The following IGSF3 variants were observed in gnomAD, a reference collection of about 807,000 sequenced individuals.
IGSF3 encodes immunoglobulin superfamily member 3, also known as glu-Trp-Ile EWI motif-containing protein 3.
Under a neutral mutation model 114.4 loss-of-function variants are expected in IGSF3, and 23 were observed. The observed-to-expected ratio is 0.20, with a 90% CI of 0.14 to 0.28. IGSF3 has a LOEUF of 0.28. IGSF3 is among the 10% of genes least tolerant of loss of function. The pLI is 1.00. For missense variants in IGSF3, 1,172 were observed against 1,591.5 expected, an observed-to-expected ratio of 0.74 and a Z score of 4.48; for synonymous variants, 571 against 645.2, an observed-to-expected ratio of 0.88 and a Z score of 1.74.
chr1:116,600,247 A>G lies in IGSF3; in HGVS notation c.1723T>C (p.Trp575Arg), dbSNP rs78806598. 2.8e-5 allele frequency: 45 copies of G among 1,613,960 alleles called. No individual in the cohort carries two copies. Among genetic ancestry groups the G allele is most frequent in the South Asian group, 2.6e-4 (24 of 91,086 alleles). ...CGCCATGTCACCGACACGGGGACCC[A>G]GGCAGGGTAGTGGGGTTTGATGATA... ...QCIIKPHYPA[W>R]VPVSVTWRFQ... Residue 575 changes from tryptophan (W) to arginine (R), a missense_variant, in exon 7 of 11, where the codon TGG becomes CGG. Trp to Arg is a moderately radical substitution (Grantham distance 101). Around this residue, in one of 3 missense-constraint regions of IGSF3, gnomAD observed 736 missense variants for 1,042.0 expected, o/e 0.71. Coordinates refer to ENST00000369486, the MANE Select transcript of IGSF3 (RefSeq NM_001007237.3). This position sits in a 1 kb window ranked among gnomAD's most constrained non-coding sequence, Gnocchi z 5.5.
Position 116,628,283 on chromosome 1 carries a change from C to G in IGSF3, c.44-11826G>C, listed in dbSNP as rs183665966. On this transcript the variant is annotated intron_variant, in intron 2 of 10. Coordinates refer to ENST00000369486, the MANE Select transcript of IGSF3 (RefSeq NM_001007237.3). The surrounding 1 kb of genome is among the most constrained non-coding windows in gnomAD (Gnocchi z 4.2). ...ACTCTTCAGGGACAAAGTTCCTTTACTCAGCCATAGTTTCTGTGCTCCAAA... is the reference window on the plus strand; with the variant it reads ...ACTCTTCAGGGACAAAGTTCCTTTAGTCAGCCATAGTTTCTGTGCTCCAAA... Among the ~76,000 whole-genome samples the G allele has an allele frequency of 6.6e-6, 1 of 152,340 alleles. No homozygotes were observed. Among genetic ancestry groups the G allele is most frequent in the Non-Finnish European group, 1.5e-5 (1 of 68,030 alleles).
At position 116,577,102 on chromosome 1, in the gene IGSF3, C is replaced by G; in HGVS notation, c.*210G>C. The G allele has an allele frequency of 1.7e-6, 1 of 578,328 alleles. No individual in the cohort carries two copies. Among genetic ancestry groups the G allele is most frequent in the East Asian group, 2.9e-5 (1 of 34,768 alleles). 35.8% of individuals were successfully genotyped at this position (578,328 alleles called of 1,614,324 possible). A position where few individuals can be genotyped will look rare whatever the true frequency, so the allele number is the denominator to read the frequency against. On this transcript the variant is annotated 3_prime_UTR_variant, in exon 11 of 11. Coordinates refer to ENST00000369486, the MANE Select transcript of IGSF3 (RefSeq NM_001007237.3). This position sits in a 1 kb window ranked among gnomAD's most constrained non-coding sequence, Gnocchi z 5.7. Reference sequence around the variant, plus strand: ...CAAGAAATCTATAATGGCAGGATCACAACATTTGCGCGCAAATAGCTAACC... The same window carrying G: ...CAAGAAATCTATAATGGCAGGATCAGAACATTTGCGCGCAAATAGCTAACC...
chr1:116,643,874 G>A (rs1648220766), intron 2 of IGSF3, among the ~76,000 whole-genome samples: 1 of 152,192 alleles, frequency 6.6e-6, no homozygotes, highest in Admixed American at 6.5e-5. Flanking sequence ...GAAAGGGCAG[G>A]AAAGCAGAGC....
In IGSF3 at chr1:116,584,585, A is replaced by C; in HGVS notation, c.2848+60T>G. Reference sequence around the variant, plus strand: ...AAACTAATTTTATCCAGTGCATAAAACAGTATACTTAAATGGGAAACACCA... The same window carrying C: ...AAACTAATTTTATCCAGTGCATAAACCAGTATACTTAAATGGGAAACACCA... On this transcript the variant is annotated intron_variant, in intron 9 of 10. Transcript: ENST00000369486. This position sits in a 1 kb window ranked among gnomAD's most constrained non-coding sequence, Gnocchi z 5.8. 2 of 1,529,974 alleles carry C rather than the reference A, an allele frequency of 1.3e-6. No homozygotes were observed. Among genetic ancestry groups the C allele is most frequent in the South Asian group, 2.2e-5 (2 of 88,994 alleles). The allele number at this position is 1,529,974 out of a possible 1,614,324, so 94.8% of individuals were successfully genotyped here.
rs1380040162 is a variant in IGSF3, at chr1:116,607,961, G to A, written c.1203C>T (p.Pro401=). 2.5e-6 allele frequency: 4 copies of A among 1,613,896 alleles called. No homozygotes were observed. The highest frequency in any genetic ancestry group is 2.2e-5 in the South Asian group (2 of 91,066). The change falls in exon 5 of 11, where the codon CCC becomes CCT. Residue 401 remains proline (P), a synonymous_variant. Coordinates refer to ENST00000369486, the MANE Select transcript of IGSF3 (RefSeq NM_001007237.3). This position sits in a 1 kb window ranked among gnomAD's most constrained non-coding sequence, Gnocchi z 6.1. ...ACTTACTGAGGGGGAGGACTATGAT[G>A]GGGATGTTCTTGGGACGCTTGCTCT... ...DKESKRPKNI[P]IIVLPLKSSI... is the part of the protein sequence containing the mutation.
chr1:116,608,064 C>G lies in IGSF3; in HGVS notation c.1100G>C (p.Arg367Pro). ...GTTGTATTTCCCGCTATCTTCCTGGCGGAGGTGGTAGATCTTCAGCACAAA... is the reference window on the plus strand; with the variant it reads ...GTTGTATTTCCCGCTATCTTCCTGGGGGAGGTGGTAGATCTTCAGCACAAA... ...SVFVLKIYHL[R>P]QEDSGKYNCR... The change falls in exon 5 of 11, where the codon CGC (arginine) becomes CCC (proline). Residue 367 changes from arginine (R) to proline (P), a missense_variant. By Grantham distance (103) the Arg-to-Pro change is moderately radical. Coordinates refer to ENST00000369486, the MANE Select transcript of IGSF3 (RefSeq NM_001007237.3). The G allele has an allele frequency of 6.2e-7, 1 of 1,613,908 alleles. No homozygotes were observed.
chr1:116,620,085 T>C (rs1661366418), intron 2 of IGSF3, among the ~76,000 whole-genome samples: 1 of 152,188 alleles, frequency 6.6e-6, no homozygotes, highest in Non-Finnish European at 1.5e-5. Context: ...TTTATATATA[T>C]ATACATATTT....
chr1:116,637,312 A>G (rs1647878948), intron 2 of IGSF3, among the ~76,000 whole-genome samples: 1 of 152,158 alleles, frequency 6.6e-6, no homozygotes, highest in African/African-American at 2.4e-5. Context: ...GACAACCCCA[A>G]TCTCTTATTT....
At position 116,647,784 on chromosome 1, in the gene IGSF3, C is replaced by T. The variant is rs533319500; in HGVS notation, c.43+18500G>A. 2.6e-5 allele frequency among the ~76,000 whole-genome samples: 4 copies of T among 152,266 alleles called. 1 individual carries two copies. The South Asian group carries it at 8.3e-4, about 32-fold the overall frequency. On this transcript the variant is annotated intron_variant, in intron 2 of 10. Transcript: ENST00000369486. The surrounding 1 kb of genome is among the most constrained non-coding windows in gnomAD (Gnocchi z 4.6). ...TGGGATTAAGCTTAGACCTTGTAGG[C>T]CTATCAGCCAGAAGCAGTGTGTAAA...
Position 116,666,280 on chromosome 1 carries a change from T to C in IGSF3, c.43+4A>G. 6.2e-7 allele frequency: 1 copy of C among 1,613,858 alleles called. No individual in the cohort carries two copies. The highest frequency in any genetic ancestry group is 8.5e-7 in the Non-Finnish European group (1 of 1,179,746). ...CGATTGCACTGATAAGCAGAGCCAC[T>C]TACCCAGCACAGCCAGACAGCTCAG... On this transcript the variant is annotated splice_donor_region_variant and intron_variant, in intron 2 of 10. Transcript: ENST00000369486.
rs769362307 is a variant in IGSF3 at position 116,603,855 on chromosome 1, G to A, written c.1393C>T (p.Arg465Trp). ...GAGCCTGGCTGCACGGTGCCATCCC[G>A]GTCTAGCCACATGATATTGCTGCGG... ...NRRSNIMWLD[R>W]DGTVQPGSSY... Residue 465 changes from arginine (R) to tryptophan (W), a missense_variant, in exon 6 of 11, where the codon CGG (arginine) becomes TGG (tryptophan). Physicochemically the swap from Arg to Trp is moderately radical, Grantham distance 101. Coordinates refer to ENST00000369486, the MANE Select transcript of IGSF3 (RefSeq NM_001007237.3). The surrounding 1 kb of genome is among the most constrained non-coding windows in gnomAD (Gnocchi z 7.1). 7 of 1,613,880 alleles carry A rather than the reference G, an allele frequency of 4.3e-6. No homozygotes were observed. The highest frequency in any genetic ancestry group is 1.3e-5 in the African/African-American group (1 of 74,914).
At position 116,579,772 on chromosome 1, in the gene IGSF3, C is replaced by A; in HGVS notation, c.2954G>T (p.Arg985Leu). ...CAGGGAATACCAGGCCACAGCGAAG[C>A]GGGAGTCCTGGCTGGAGCGGGACAC... is the stretch of plus-strand genomic sequence containing the variant. The part of the protein sequence containing the change: ...SIVSRSSQDS[R>L]FAVAWYSLRT... The change falls in exon 10 of 11, where the codon CGC becomes CTC. Residue 985 changes from arginine (R) to leucine (L), a missense_variant. Arg to Leu is a moderately radical substitution (Grantham distance 102, BLOSUM62 -2). Transcript: ENST00000369486. This position sits in a 1 kb window ranked among gnomAD's most constrained non-coding sequence, Gnocchi z 6.4. 1 of 1,614,134 alleles carries A rather than the reference C, an allele frequency of 6.2e-7. No individual in the cohort carries two copies.
chr1:116,633,564 T>G lies in IGSF3; in HGVS notation c.44-17107A>C, dbSNP rs543888429. On this transcript the variant is annotated intron_variant, in intron 2 of 10. Coordinates refer to ENST00000369486, the MANE Select transcript of IGSF3 (RefSeq NM_001007237.3). This position sits in a 1 kb window ranked among gnomAD's most constrained non-coding sequence, Gnocchi z 4.3. The stretch of plus-strand genomic sequence containing the variant: ...CCCCTATGCCATGGAAAGGTGCATG[T>G]AAGTGAGAGAACAAAAAATTTCACA... Among the ~76,000 whole-genome samples, 18 of 152,284 alleles carry G rather than the reference T, an allele frequency of 1.2e-4. No individual in the cohort carries two copies. The highest frequency in any genetic ancestry group is 2.5e-4 in the Non-Finnish European group (17 of 68,018).
In IGSF3 at chr1:116,584,555, T is replaced by C. The variant is rs1398328435; in HGVS notation, c.2848+90A>G. The C allele has an allele frequency of 4.0e-6, 5 of 1,257,296 alleles. No individual in the cohort carries two copies. Among genetic ancestry groups the C allele is most frequent in the Non-Finnish European group, 5.7e-6 (5 of 882,056 alleles). The allele number at this position is 1,257,296 out of a possible 1,614,324, so 77.9% of individuals were successfully genotyped here. On this transcript the variant is annotated intron_variant, in intron 9 of 10. Coordinates refer to ENST00000369486, the MANE Select transcript of IGSF3 (RefSeq NM_001007237.3). This position sits in a 1 kb window ranked among gnomAD's most constrained non-coding sequence, Gnocchi z 5.8. ...CATATATTTAACTGCAAATAATTTA[T>C]TAATAAACTAATTTTATCCAGTGCA...
chr1:116,643,759 G>C (rs924503505), intron 2 of IGSF3, among the ~76,000 whole-genome samples: 2 of 152,232 alleles, frequency 1.3e-5, no homozygotes, highest in Non-Finnish European at 2.9e-5. Context: ...CAGATCCTCC[G>C]ATCCCTGTGA....
At chr1:116,581,320 CTTT>C (rs955415319) in intron 9 of IGSF3, among the ~76,000 whole-genome samples, 11 of 70,596 alleles carry the variant, frequency 1.6e-4, no homozygotes, top group African/African-American at 3.7e-4. Flanking sequence ...GTTTTGCTGT[CTTT>C]TTTTTTTTTT....
In IGSF3 at chr1:116,632,707, G is replaced by C. The variant is rs1424083279; in HGVS notation, c.44-16250C>G. 1.3e-5 allele frequency among the ~76,000 whole-genome samples: 2 copies of C among 152,210 alleles called. No individual in the cohort carries two copies. Among genetic ancestry groups the C allele is most frequent in the Non-Finnish European group, 2.9e-5 (2 of 68,046 alleles). On this transcript the variant is annotated intron_variant, in intron 2 of 10. Transcript: ENST00000369486. This position sits in a 1 kb window ranked among gnomAD's most constrained non-coding sequence, Gnocchi z 5.1. ...CATTAACTCAGAGCTGACCTCGTCTGGCAGGATTAACTAGCCATACCTGTC... is the reference window on the plus strand; with the variant it reads ...CATTAACTCAGAGCTGACCTCGTCTCGCAGGATTAACTAGCCATACCTGTC...
In IGSF3 at chr1:116,638,059, C is replaced by G. The variant is rs1398878823; in HGVS notation, c.44-21602G>C. Among the ~76,000 whole-genome samples the G allele has an allele frequency of 1.3e-5, 2 of 152,196 alleles. No homozygotes were observed. The highest frequency in any genetic ancestry group is 2.9e-5 in the Non-Finnish European group (2 of 68,032). ...ACAGTAACTATACTCAATAAACACA[C>G]CAACTTTGATGCCAAATCCCATGCC... On this transcript the variant is annotated intron_variant, in intron 2 of 10. Coordinates refer to ENST00000369486, the MANE Select transcript of IGSF3 (RefSeq NM_001007237.3). The surrounding 1 kb of genome is among the most constrained non-coding windows in gnomAD (Gnocchi z 4.1).
chr1:116,579,576 C>T lies in IGSF3; in HGVS notation c.3150G>A (p.Glu1050=). 6.2e-7 allele frequency: 1 copy of T among 1,614,156 alleles called. No individual in the cohort carries two copies. The highest frequency in any genetic ancestry group is 8.5e-7 in the Non-Finnish European group (1 of 1,180,030). Residue 1050 remains glutamate (E), a synonymous_variant, in exon 10 of 11, where the codon GAG becomes GAA. Transcript: ENST00000369486. This position sits in a 1 kb window ranked among gnomAD's most constrained non-coding sequence, Gnocchi z 6.4. ...AGAGCCTCTGGAAGCGAAGCCTGCCCTCCCAAGGACTGCCCTCTGGGCCAA... is the reference window on the plus strand; with the variant it reads ...AGAGCCTCTGGAAGCGAAGCCTGCCTTCCCAAGGACTGCCCTCTGGGCCAA... The part of the protein sequence containing the change: ...AVFGPEGSPW[E]GRLRFQRLSP...
Sources: gnomAD v4.1 joint callset for allele counts (sites outside exome capture counted in the v4.1 genomes callset) on GRCh38, gnomAD v4.1.1 for gene constraint, gnomAD v4.1.1 regional missense constraint, Gnocchi (gnomAD v3.1) non-coding constraint, MANE v1.5 for transcripts, NCBI Gene and HGNC (gene_info 2026-07-23, HGNC 2026-07-21) for gene names.